Variants in VRK2 observed in about 807,000 individuals in gnomAD.
VRK2 encodes the protein serine/threonine-protein kinase VRK2.
A neutral mutation model predicts 57.6 loss-of-function variants in VRK2; 60 were observed. The ratio of observed to expected loss-of-function variants is 1.04; its 90% CI spans 0.85 to 1.29. The LOEUF (loss-of-function observed/expected upper bound fraction) is 1.29. Ranked by LOEUF, VRK2 falls within the 50% of genes most tolerant of loss-of-function variation. The probability of loss-of-function intolerance (pLI) is 0.00; values close to 1 mark genes in which losing one functional copy is unlikely to be tolerated. For synonymous variants in VRK2, 231 were observed against 199.2 expected (o/e 1.16, Z -1.35); for missense variants, 705 against 588.1 (o/e 1.20, Z -2.06).
intron 6 of VRK2, among the ~76,000 whole-genome samples, 192 bp from the exon 7 acceptor site, chr2:58,089,439 A>C (rs1672068589): frequency 6.6e-6 from 1 of 152,078 alleles, no homozygotes; most frequent in African/African-American, 2.4e-5. Flanking sequence ...ATTTTTGAGG[A>C]TCATTTTACT....
At chr2:58,073,380 C>T (rs1432386676) in intron 2 of VRK2, among the ~76,000 whole-genome samples, 2 of 151,952 alleles carry the variant, frequency 1.3e-5, no homozygotes, top group African/African-American at 4.8e-5. Context: ...CCTGCTGCAT[C>T]TGTCAATTAC....
chr2:58,015,128 T>C (rs1473325657), intron 1 of VRK2, among the ~76,000 whole-genome samples: 1 of 152,202 alleles, frequency 6.6e-6, no homozygotes, highest in Non-Finnish European at 1.5e-5. Context: ...TAGGAATATT[T>C]AGCTTATATT....
At chr2:58,063,726 G>T (rs1677709368) in intron 2 of VRK2, among the ~76,000 whole-genome samples, 2 of 152,012 alleles carry the variant, frequency 1.3e-5, no homozygotes, top group Admixed American at 1.3e-4. Flanking sequence ...TAACTTTCAA[G>T]TTCTTACTAT....
At chr2:58,020,976 T>C (rs1267290390) in intron 1 of VRK2, among the ~76,000 whole-genome samples, 1 of 152,164 alleles carries the variant, frequency 6.6e-6, no homozygotes, top group East Asian at 1.9e-4. Context: ...TGGATAAAAC[T>C]AAAAATATAC....
chr2:57,969,474 A>G (rs1672025626), intron 1 of VRK2, among the ~76,000 whole-genome samples: 1 of 152,058 alleles, frequency 6.6e-6, no homozygotes, highest in Non-Finnish European at 1.5e-5. Context: ...ACAATTTAGA[A>G]GAATAATAAA....
intron 2 of VRK2, among the ~76,000 whole-genome samples, chr2:58,077,452 ATTC>A (rs1177705420): frequency 6.6e-6 from 1 of 151,966 alleles, no homozygotes; most frequent in Admixed American, 6.6e-5. Context: ...TAGGTGAGTT[ATTC>A]TTCTGTCTCT....
intron 1 of VRK2, among the ~76,000 whole-genome samples, chr2:57,972,454 T>C (rs1416163583): frequency 6.6e-6 from 1 of 151,860 alleles, no homozygotes; most frequent in African/African-American, 2.4e-5. Flanking sequence ...TAACAGTAGA[T>C]TACCAGAAAC....
At chr2:58,096,646 TG>T (rs1673179420) in intron 7 of VRK2, among the ~76,000 whole-genome samples, 3 of 152,098 alleles carry the variant, frequency 2.0e-5, no homozygotes, top group African/African-American at 7.2e-5. Context: ...TAGTCCCTTT[TG>T]TTAATTTTTC....
Position 58,159,396 on chromosome 2 carries a change from G to T in VRK2, c.1230G>T (p.Leu410Phe). 6.2e-7 allele frequency: 1 copy of T among 1,613,134 alleles called. No individual in the cohort carries two copies. The highest frequency in any genetic ancestry group is 8.5e-7 in the Non-Finnish European group (1 of 1,179,594). ...AATATCAAGAGTCTCAAGAACCTTTGAATGAAGTAAACAGTTTCCCACAAA... is the reference window on the plus strand; with the variant it reads ...AATATCAAGAGTCTCAAGAACCTTTTAATGAAGTAAACAGTTTCCCACAAA... ...RQKYQESQEP[L>F]NEVNSFPQKI... Residue 410 changes from leucine (L) to phenylalanine (F), a missense_variant, in exon 13 of 13, where the codon TTG (leucine) becomes TTT (phenylalanine). Physicochemically the swap from Leu to Phe is conservative, Grantham distance 22. Transcript: ENST00000340157.
chr2:57,911,460 A>G (rs1255150081), intron 1 of VRK2, among the ~76,000 whole-genome samples: 2 of 152,204 alleles, frequency 1.3e-5, no homozygotes, highest in African/African-American at 4.8e-5. Context: ...TGATGGTCGC[A>G]GAAACCAGCT....
rs574943147 is a variant in VRK2 at position 58,126,295 on chromosome 2, G to A, written c.676+3062G>A. On this transcript the variant is annotated intron_variant, in intron 8 of 12. Transcript: ENST00000340157. ...ACTTATGAGTTAGCCACTCAATAGA[G>A]ACTGCTATTAGCCTGATCAGACTGT... 2.0e-5 allele frequency among the ~76,000 whole-genome samples: 3 copies of A among 152,216 alleles called. No individual in the cohort carries two copies. In the East Asian group the frequency reaches 5.8e-4, roughly 29 times the overall value.
intron 1 of VRK2, among the ~76,000 whole-genome samples, chr2:57,986,036 T>C (rs1672583274): frequency 6.6e-6 from 1 of 152,160 alleles, no homozygotes; most frequent in South Asian, 2.1e-4. Flanking sequence ...TGTCCGCCTT[T>C]GTAACCTACT....
intron 1 of VRK2, among the ~76,000 whole-genome samples, chr2:57,987,383 G>A (rs1672630049): frequency 2.0e-5 from 3 of 152,050 alleles, no homozygotes. Flanking sequence ...TATACATATG[G>A]CAAATATGCA....
intron 1 of VRK2, among the ~76,000 whole-genome samples, chr2:57,920,516 T>C (rs1466747926): frequency 1.3e-5 from 2 of 152,218 alleles, no homozygotes; most frequent in African/African-American, 4.8e-5. Context: ...TAGTAGGTGA[T>C]GAAAGGGTGA....
chr2:57,970,934 CTATT>C (rs1309501280), intron 1 of VRK2, among the ~76,000 whole-genome samples: 3 of 151,604 alleles, frequency 2.0e-5, no homozygotes, highest in African/African-American at 7.3e-5. Context: ...GTTTTTCTTG[CTATT>C]TATTTGTTAA....
intron 1 of VRK2, among the ~76,000 whole-genome samples, chr2:57,960,730 G>A (rs543139438): frequency 4.6e-5 from 7 of 152,252 alleles, no homozygotes; most frequent in South Asian, 2.1e-4. Context: ...AGATTAAAGC[G>A]GAAGAAATGA....
At position 58,126,450 on chromosome 2, in the gene VRK2, C is replaced by G. The variant is rs117984606; in HGVS notation, c.676+3217C>G. Among the ~76,000 whole-genome samples, 30 of 152,106 alleles carry G rather than the reference C, an allele frequency of 2.0e-4. 1 individual carries two copies. In the East Asian group the frequency reaches 5.0e-3, roughly 25 times the overall value. On this transcript the variant is annotated intron_variant, in intron 8 of 12. Coordinates refer to ENST00000340157, the MANE Select transcript of VRK2 (RefSeq NM_006296.7). ...TTCAGTCATTACATCTAAGCATTTT[C>G]TAATTCAAATTTACATAAAAGGAGA... is the stretch of plus-strand genomic sequence containing the variant.
chr2:57,924,319 G>A (rs1670462236), intron 1 of VRK2, among the ~76,000 whole-genome samples: 1 of 151,942 alleles, frequency 6.6e-6, no homozygotes, highest in Non-Finnish European at 1.5e-5. Flanking sequence ...CACTAGAATG[G>A]ACATTTTAAC....
chr2:58,008,191 T>C (rs950602364), intron 1 of VRK2, among the ~76,000 whole-genome samples: 1 of 152,128 alleles, frequency 6.6e-6, no homozygotes, highest in African/African-American at 2.4e-5. Flanking sequence ...AAAACTCCTT[T>C]TGAATATTTC....
Sources: gnomAD v4.1 joint callset for allele counts (sites outside exome capture counted in the v4.1 genomes callset) on GRCh38, gnomAD v4.1.1 for gene constraint, MANE v1.5 for transcripts, NCBI Gene and HGNC (gene_info 2026-07-23, HGNC 2026-07-21) for gene names.